Variants in JCHAIN observed in about 807,000 individuals in gnomAD.
JCHAIN encodes joining chain of multimeric IgA and IgM, also known as immunoglobulin J chain.
JCHAIN carries 5 observed loss-of-function variants against 11.1 expected under a neutral mutation model. The observed-to-expected ratio is 0.45, with a 90% CI of 0.24 to 0.95. The LOEUF is 0.95. Ranked by LOEUF, JCHAIN falls within the 40% of genes least tolerant of loss-of-function variation. The pLI, the probability that JCHAIN is intolerant of heterozygous loss-of-function variation, is 0.21. For synonymous variants in JCHAIN, 51 were observed against 67.8 expected (o/e 0.75, Z 1.22); for missense variants, 165 against 192.7 (o/e 0.86, Z 0.85).
At position 70,656,244 on chromosome 4, in the gene JCHAIN, T is replaced by A. The variant is rs1738948468; in HGVS notation, c.*85A>T. On this transcript the variant is annotated 3_prime_UTR_variant, in exon 4 of 4. Transcript: ENST00000254801. The stretch of plus-strand genomic sequence containing the variant: ...AAAAAAAAAAGCCCTGGTTTCAAAT[T>A]CATTGGTAATAAATATGCTAACTTT... The A allele has an allele frequency of 1.0e-6, 1 of 961,280 alleles. No individual in the cohort carries two copies. The highest frequency in any genetic ancestry group is 1.6e-6 in the Non-Finnish European group (1 of 637,538). 59.5% of individuals were successfully genotyped at this position (961,280 alleles called of 1,614,324 possible). A position where few individuals can be genotyped will look rare whatever the true frequency, so the allele number is the denominator to read the frequency against.
At position 70,656,334 on chromosome 4, in the gene JCHAIN, C is replaced by G; in HGVS notation, c.475G>C (p.Asp159His). 1.9e-6 allele frequency: 3 copies of G among 1,611,462 alleles called. No homozygotes were observed. The highest frequency in any genetic ancestry group is 2.5e-6 in the Non-Finnish European group (3 of 1,177,862). Residue 159 changes from aspartate (D) to histidine (H), a missense_variant, in exon 4 of 4, where the codon GAC becomes CAC. Coordinates refer to ENST00000254801, the MANE Select transcript of JCHAIN (RefSeq NM_144646.4). ...TALTPDACYP[D>H] ...GCAGTCAGCAATGACTTAAATTAGT[C>G]AGGATAGCAGGCATCTGGGGTTAAG...
intron 1 of JCHAIN, 44 bp downstream of exon 1, chr4:70,666,383 A>G (rs1739154723): frequency 1.5e-6 from 2 of 1,374,070 alleles, no homozygotes; most frequent in African/African-American, 1.4e-5. Flanking sequence ...GATCTGTCCT[A>G]TATTTTTCCT....
Position 70,656,341 on chromosome 4 carries a change from G to A in JCHAIN, c.468C>T (p.Cys156=). The A allele has an allele frequency of 1.2e-6, 2 of 1,612,572 alleles. No individual in the cohort carries two copies. Among genetic ancestry groups the A allele is most frequent in the South Asian group, 1.1e-5 (1 of 91,050 alleles). ...MVETALTPDA[C]YPD ...GCAATGACTTAAATTAGTCAGGATA[G>A]CAGGCATCTGGGGTTAAGGCTGTTT... Residue 156 remains cysteine (C), a synonymous_variant, in exon 4 of 4, where the codon TGC becomes TGT. Transcript: ENST00000254801.
intron 2 of JCHAIN, among the ~76,000 whole-genome samples, chr4:70,661,041 A>G (rs1467483381): frequency 6.6e-6 from 1 of 152,222 alleles, no homozygotes; most frequent in Non-Finnish European, 1.5e-5. Flanking sequence ...AAAAACACAC[A>G]ACTATTAAGT....
At chr4:70,659,050 G>C (rs1176133264) in intron 2 of JCHAIN, among the ~76,000 whole-genome samples, 3 of 152,156 alleles carry the variant, frequency 2.0e-5, no homozygotes, top group African/African-American at 4.8e-5. Flanking sequence ...AAAGACTCTA[G>C]TAATATCAGA....
chr4:70,665,931 GTCA>G (rs1415940536), intron 1 of JCHAIN: 1 of 309,990 alleles, frequency 3.2e-6, no homozygotes, highest in African/African-American at 2.2e-5. Context: ...CAAAAGTTCA[GTCA>G]TCAATTTATA....
Position 70,656,358 on chromosome 4 carries a change from A to G in JCHAIN, c.451T>C (p.Leu151=), listed in dbSNP as rs1295679619. The G allele has an allele frequency of 6.2e-7, 1 of 1,614,034 alleles. No individual in the cohort carries two copies. The highest frequency in any genetic ancestry group is 8.5e-7 in the Non-Finnish European group (1 of 1,179,880). The change falls in exon 4 of 4, where the codon TTA becomes CTA. Residue 151 remains leucine, a synonymous_variant. Coordinates refer to ENST00000254801, the MANE Select transcript of JCHAIN (RefSeq NM_144646.4). ...GGETKMVETA[L]TPDACYPD is the part of the protein sequence containing the mutation. ...TCAGGATAGCAGGCATCTGGGGTTAAGGCTGTTTCCACCATTTTGGTCTCA... is the reference window on the plus strand; with the variant it reads ...TCAGGATAGCAGGCATCTGGGGTTAGGGCTGTTTCCACCATTTTGGTCTCA...
In JCHAIN at chr4:70,656,083, A is replaced by G; in HGVS notation, c.*246T>C. On this transcript the variant is annotated 3_prime_UTR_variant, in exon 4 of 4. Coordinates refer to ENST00000254801, the MANE Select transcript of JCHAIN (RefSeq NM_144646.4). ...ATTCCTAAGAGAGCATACCTCTTTCAGGTGAGCATGATAATTGGAAGATTT... is the reference window on the plus strand; with the variant it reads ...ATTCCTAAGAGAGCATACCTCTTTCGGGTGAGCATGATAATTGGAAGATTT... 1 of 442,586 alleles carries G rather than the reference A, an allele frequency of 2.3e-6. No individual in the cohort carries two copies. Among genetic ancestry groups the G allele is most frequent in the Non-Finnish European group, 4.0e-6 (1 of 248,826 alleles). 27.4% of individuals were successfully genotyped at this position (442,586 alleles called of 1,614,324 possible).
At chr4:70,662,273 T>C (rs1739074711) in intron 1 of JCHAIN, 58 bp from the exon 2 acceptor site, 2 of 1,474,338 alleles carry the variant, frequency 1.4e-6, no homozygotes, top group Admixed American at 1.8e-5. Flanking sequence ...ATATATTTTG[T>C]ATTGAGTTAT....
At position 70,656,249 on chromosome 4, in the gene JCHAIN, G is replaced by A. The variant is rs552417186; in HGVS notation, c.*80C>T. 3.1e-6 allele frequency: 3 copies of A among 965,006 alleles called. No homozygotes were observed. Among genetic ancestry groups the A allele is most frequent in the African/African-American group, 1.7e-5 (1 of 60,232 alleles). The allele number at this position is 965,006 out of a possible 1,614,324, so 59.8% of individuals were successfully genotyped here. ...AAAAAGCCCTGGTTTCAAATTCATT[G>A]GTAATAAATATGCTAACTTTCTGAA... On this transcript the variant is annotated 3_prime_UTR_variant, in exon 4 of 4. Coordinates refer to ENST00000254801, the MANE Select transcript of JCHAIN (RefSeq NM_144646.4).
chr4:70,658,377 G>T (rs1294468446), intron 2 of JCHAIN, among the ~76,000 whole-genome samples: 2 of 151,132 alleles, frequency 1.3e-5, no homozygotes, highest in Non-Finnish European at 2.9e-5. Context: ...CAGATAACAG[G>T]GTATCCTCAA....
chr4:70,666,424 T>C lies in JCHAIN; in HGVS notation c.64+3A>G. ...CTGGGATCATTTTCTAAATATCACA[T>C]ACCTTTCACATGAACAGCCTTAATA... On this transcript the variant is annotated splice_donor_region_variant and intron_variant, in intron 1 of 3. Transcript: ENST00000254801. 6.3e-7 allele frequency: 1 copy of C among 1,598,986 alleles called. No individual in the cohort carries two copies. The highest frequency in any genetic ancestry group is 8.6e-7 in the Non-Finnish European group (1 of 1,166,336).
At chr4:70,657,831 G>C (rs1371259642) in intron 2 of JCHAIN, among the ~76,000 whole-genome samples, 1 of 152,054 alleles carries the variant, frequency 6.6e-6, no homozygotes, top group Non-Finnish European at 1.5e-5. Flanking sequence ...AGATTTTAGA[G>C]GAGAGGAAAT....
chr4:70,663,078 T>A (rs1359128506), intron 1 of JCHAIN, among the ~76,000 whole-genome samples: 2 of 152,046 alleles, frequency 1.3e-5, no homozygotes, highest in Admixed American at 1.3e-4. Context: ...TGAATATGCC[T>A]GTATACAGAA....
At chr4:70,662,534 A>C (rs186442943) in intron 1 of JCHAIN, among the ~76,000 whole-genome samples, 1 of 152,346 alleles carries the variant, frequency 6.6e-6, no homozygotes, top group East Asian at 1.9e-4. Context: ...AAGAACAGGC[A>C]TGTTTTCATC....
chr4:70,656,252 A>C lies in JCHAIN; in HGVS notation c.*77T>G. 1.9e-6 allele frequency: 2 copies of C among 1,047,888 alleles called. No individual in the cohort carries two copies. The allele number at this position is 1,047,888 out of a possible 1,614,324, so 64.9% of individuals were successfully genotyped here. A position where few individuals can be genotyped will look rare whatever the true frequency, so the allele number is the denominator to read the frequency against. On this transcript the variant is annotated 3_prime_UTR_variant, in exon 4 of 4. Transcript: ENST00000254801. The stretch of plus-strand genomic sequence containing the variant: ...AAGCCCTGGTTTCAAATTCATTGGT[A>C]ATAAATATGCTAACTTTCTGAATCA...
chr4:70,656,575 A>G, intron 3 of JCHAIN, 36 bp from the exon 4 acceptor site: 5 of 1,487,118 alleles, frequency 3.4e-6, no homozygotes, highest in Non-Finnish European at 4.7e-6. Flanking sequence ...CAATCCCCTC[A>G]AATGCTGTCT....
chr4:70,661,513 G>A (rs972284502), intron 2 of JCHAIN, among the ~76,000 whole-genome samples: 5 of 152,226 alleles, frequency 3.3e-5, no homozygotes, highest in Non-Finnish European at 7.3e-5. Context: ...AACTTGGCCA[G>A]GCGTGGTGGT....
chr4:70,656,987 T>A (rs1738962232), intron 3 of JCHAIN, among the ~76,000 whole-genome samples: 1 of 152,154 alleles, frequency 6.6e-6, no homozygotes. Context: ...TGCCAATGAT[T>A]TTTTCTTTAG....
Sources: gnomAD v4.1 joint callset for allele counts (sites outside exome capture counted in the v4.1 genomes callset) on GRCh38, gnomAD v4.1.1 for gene constraint, MANE v1.5 for transcripts, NCBI Gene and HGNC (gene_info 2026-07-23, HGNC 2026-07-21) for gene names.